MRTFB: variants seen among roughly 807,000 people sequenced by gnomAD.
MRTFB encodes the protein myocardin-related transcription factor B.
MRTFB carries 29 observed loss-of-function variants against 104.2 expected under a neutral mutation model. That is an observed-to-expected ratio of 0.28 (90% CI 0.21 to 0.38). The LOEUF is 0.38. MRTFB is among the 10% of genes least tolerant of loss of function. The pLI is 1.00. For missense variants in MRTFB, 1,270 were observed against 1,341.6 expected (o/e 0.95, Z 0.83); for synonymous variants, 535 against 519.5 (o/e 1.03, Z -0.41).
intron 13 of MRTFB, among the ~76,000 whole-genome samples, chr16:14,250,955 G>C (rs909374153): frequency 6.6e-6 from 1 of 152,198 alleles, no homozygotes; most frequent in African/African-American, 2.4e-5. Context: ...GGAAAAAGGA[G>C]AAAAATCGTT....
chr16:14,258,471 C>T (rs1227281203), intron 16 of MRTFB, among the ~76,000 whole-genome samples: 1 of 152,170 alleles, frequency 6.6e-6, no homozygotes, highest in Admixed American at 6.5e-5. Flanking sequence ...TGGCACACCC[C>T]TGGGGTCCCA....
At chr16:14,017,705 ATATATATTTTTTTT>A in the MRTFB span, among the ~76,000 whole-genome samples, 1 of 28,262 alleles carries the variant, frequency 3.5e-5, no homozygotes, top group Non-Finnish European at 9.3e-5. Flanking sequence ...ATATATATAT[ATATATATTTTTTTT>A]TTTTTTTTTT....
At chr16:14,200,103 A>T in intron 3 of MRTFB, 1 of 581,386 alleles carries the variant, frequency 1.7e-6, no homozygotes, top group South Asian at 2.3e-5. Flanking sequence ...ACCTTATCAA[A>T]GTTTTAAGGG....
At chr16:14,151,926 G>A (rs2038633152) in intron 3 of MRTFB, 1 of 152,160 alleles carries the variant, frequency 6.6e-6, no homozygotes, top group South Asian at 2.1e-4. Flanking sequence ...ATTCCAGCAG[G>A]GTTGTTCCAT....
At chr16:14,231,240 A>G (rs889160604) in intron 8 of MRTFB, among the ~76,000 whole-genome samples, 3 of 151,486 alleles carry the variant, frequency 2.0e-5, no homozygotes, top group African/African-American at 4.9e-5. Context: ...ATATGTAACT[A>G]ACCTGCACAT....
At chr16:14,220,215 A>T (rs2041624830) in intron 8 of MRTFB, among the ~76,000 whole-genome samples, 1 of 152,244 alleles carries the variant, frequency 6.6e-6, no homozygotes, top group Non-Finnish European at 1.5e-5. Flanking sequence ...GTGTTCTCAC[A>T]TATTTGCTGC....
At chr16:14,078,543 C>T (rs1596710521) in intron 1 of MRTFB, among the ~76,000 whole-genome samples, 1 of 152,024 alleles carries the variant, frequency 6.6e-6, no homozygotes, top group East Asian at 1.9e-4. Flanking sequence ...AATCATCCTA[C>T]CTCAGCCTCC....
chr16:14,190,038 G>A (rs894782571), intron 3 of MRTFB, among the ~76,000 whole-genome samples: 4 of 152,210 alleles, frequency 2.6e-5, no homozygotes, highest in African/African-American at 7.2e-5. Context: ...CTGACCACCT[G>A]TGAAGAGTTG....
At position 14,265,081 on chromosome 16, in the gene MRTFB, C is replaced by T. The variant is rs774705220; in HGVS notation, c.*3637C>T. On this transcript the variant is annotated 3_prime_UTR_variant, in exon 17 of 17. Transcript: ENST00000571589. ...AGAAGCCCACATTTCAGTATACATCCTCACTGGCTTCCATGCACCCACCTG... is the reference window on the plus strand; with the variant it reads ...AGAAGCCCACATTTCAGTATACATCTTCACTGGCTTCCATGCACCCACCTG... The T allele has an allele frequency of 6.6e-6, 1 of 152,224 alleles. No individual in the cohort carries two copies. Among genetic ancestry groups the T allele is most frequent in the African/African-American group, 2.4e-5 (1 of 41,450 alleles). 9.4% of individuals were successfully genotyped at this position (152,224 alleles called of 1,614,324 possible). A position where few individuals can be genotyped will look rare whatever the true frequency, so the allele number is the denominator to read the frequency against.
intron 3 of MRTFB, among the ~76,000 whole-genome samples, chr16:14,176,927 A>C (rs2039602187): frequency 6.6e-6 from 1 of 152,168 alleles, no homozygotes. Context: ...AGAGGAACAG[A>C]CCTGACTTTC....
Position 14,098,817 on chromosome 16 carries a change from C to T in MRTFB, c.-64+19463C>T, listed in dbSNP as rs73513191. On this transcript the variant is annotated intron_variant, in intron 2 of 16. Transcript: ENST00000571589. ...TCTTGCATATGGCTATTTAGTTGTT[C>T]GAGCACCATTTGTTGAAATGACTAT... 4.7e-4 allele frequency among the ~76,000 whole-genome samples: 72 copies of T among 152,266 alleles called. 1 individual carries two copies. The highest frequency in any genetic ancestry group is 1.7e-3 in the African/African-American group (70 of 41,562).
chr16:14,127,925 ATATATTT>A (rs1251425742), intron 2 of MRTFB, among the ~76,000 whole-genome samples: 2 of 38,436 alleles, frequency 5.2e-5, no homozygotes, highest in Non-Finnish European at 7.7e-5. Context: ...ATATATATAT[ATATATTT>A]TTTTTTTTTT....
Position 14,247,132 on chromosome 16 carries a change from T to A in MRTFB, c.1872T>A (p.Ser624=). ...CCCAGCCCAGTGCCCCAGGTCATTCTGTCAAGTCAGATCAGAAGCACGGCA... is the reference window on the plus strand; with the variant it reads ...CCCAGCCCAGTGCCCCAGGTCATTCAGTCAAGTCAGATCAGAAGCACGGCA... ...LEAQPSAPGH[S]VKSDQKHGSL... The change falls in exon 12 of 17, where the codon TCT becomes TCA. Residue 624 remains serine, a synonymous_variant. Coordinates refer to ENST00000571589, the MANE Select transcript of MRTFB (RefSeq NM_001308142.2). 1 of 1,614,192 alleles carries A rather than the reference T, an allele frequency of 6.2e-7. No individual in the cohort carries two copies.
intron 3 of MRTFB, among the ~76,000 whole-genome samples, chr16:14,172,222 C>T (rs1263085818): frequency 6.6e-6 from 1 of 152,044 alleles, no homozygotes; most frequent in Non-Finnish European, 1.5e-5. Context: ...CCTTCCTTCC[C>T]CGCCTCCCCC....
chr16:14,016,344 T>G, the MRTFB span, among the ~76,000 whole-genome samples: 2 of 149,660 alleles, frequency 1.3e-5, no homozygotes, highest in Admixed American at 6.8e-5. Flanking sequence ...ACATGGAACT[T>G]GCAACTTTTG....
the MRTFB span, among the ~76,000 whole-genome samples, chr16:14,030,112 C>T: frequency 1.3e-5 from 2 of 152,142 alleles, no homozygotes; most frequent in Admixed American, 6.5e-5. Flanking sequence ...CTGCTGTCTT[C>T]GCAGGGCCTG....
intron 3 of MRTFB, among the ~76,000 whole-genome samples, chr16:14,182,262 G>C (rs1369159436): frequency 6.6e-6 from 1 of 152,214 alleles, no homozygotes; most frequent in East Asian, 1.9e-4. Context: ...AGGCAGGCCA[G>C]TGTAGAGTGA....
intron 8 of MRTFB, among the ~76,000 whole-genome samples, chr16:14,233,827 CA>C (rs199752317): frequency 0.024 from 3,486 of 146,360 alleles, 148 homozygotes; most frequent in African/African-American, 0.083. Context: ...TTGTTTTGAT[CA>C]TATATACAAG....
chr16:14,117,505 A>G (rs1023126896), intron 2 of MRTFB, among the ~76,000 whole-genome samples: 2 of 152,196 alleles, frequency 1.3e-5, no homozygotes, highest in African/African-American at 2.4e-5. Context: ...AAATGTTTCT[A>G]TTCCTTGAGA....
Sources: allele counts gnomAD v4.1 joint callset (sites outside exome capture counted in the v4.1 genomes callset), GRCh38; gene constraint gnomAD v4.1.1; transcripts MANE v1.5; gene names NCBI Gene and HGNC (gene_info 2026-07-23, HGNC 2026-07-21).